The following LRRC37A2 variants were observed in gnomAD, a reference collection of about 807,000 sequenced individuals.
The protein encoded by LRRC37A2 is leucine rich repeat containing 37 member A2, also known as leucine-rich repeat-containing protein 37A2.
LRRC37A2 carries 9 observed loss-of-function variants against 68.8 expected under a neutral mutation model. The ratio of observed to expected loss-of-function variants is 0.13; its 90% CI spans 0.08 to 0.23. LRRC37A2 has a LOEUF of 0.23. Ranked by LOEUF, LRRC37A2 falls within the 10% of genes least tolerant of loss-of-function variation. The probability of loss-of-function intolerance (pLI) is 1.00; values close to 1 mark genes in which losing one functional copy is unlikely to be tolerated. For missense variants in LRRC37A2, 168 were observed against 950.4 expected (o/e 0.18, Z 10.82); for synonymous variants, 63 against 367.6 (o/e 0.17, Z 9.48).
chr17:46,900,202 T>TACACACAC, the LRRC37A2 span, among the ~76,000 whole-genome samples: 7 of 101,166 alleles, frequency 6.9e-5, no homozygotes, highest in East Asian at 2.8e-4. Flanking sequence ...TATATATATA[T>TACACACAC]ACACACACAC....
the LRRC37A2 span, among the ~76,000 whole-genome samples, chr17:47,011,089 C>T: frequency 0.46 from 69,884 of 151,926 alleles, 16,504 homozygotes; most frequent in Non-Finnish European, 0.52. Context: ...GAAACAAGCC[C>T]ACAAGGGTAG....
the LRRC37A2 span, among the ~76,000 whole-genome samples, chr17:46,830,093 C>T: frequency 2.0e-5 from 3 of 152,214 alleles, no homozygotes; most frequent in South Asian, 6.2e-4. Context: ...CTGTTGGTGA[C>T]GAGATGTTCC....
At chr17:46,718,007 T>C in the LRRC37A2 span, among the ~76,000 whole-genome samples, 1 of 152,182 alleles carries the variant, frequency 6.6e-6, no homozygotes, top group African/African-American at 2.4e-5. Context: ...GGTGGTAGCC[T>C]GCTCATCATC....
the LRRC37A2 span, among the ~76,000 whole-genome samples, chr17:46,846,287 G>T: frequency 6.6e-6 from 1 of 152,154 alleles, no homozygotes; most frequent in Non-Finnish European, 1.5e-5. Flanking sequence ...ACCTTCCACA[G>T]TCCAATGTTT....
At chr17:46,813,919 C>G in the LRRC37A2 span, among the ~76,000 whole-genome samples, 1 of 152,228 alleles carries the variant, frequency 6.6e-6, no homozygotes, top group Non-Finnish European at 1.5e-5. Context: ...CTCAGTTTCT[C>G]CACCTTTGTC....
At chr17:46,984,403 G>A in the LRRC37A2 span, among the ~76,000 whole-genome samples, 1 of 152,144 alleles carries the variant, frequency 6.6e-6, no homozygotes, top group East Asian at 1.9e-4. Context: ...GCCTAAGGGT[G>A]AGTCTGTCAA....
At chr17:46,746,578 A>G in the LRRC37A2 span, among the ~76,000 whole-genome samples, 30 of 152,028 alleles carry the variant, frequency 2.0e-4, no homozygotes, top group Non-Finnish European at 4.1e-4. Context: ...AGACTTATCT[A>G]TGGACTGAGT....
At chr17:47,031,544 C>T in the LRRC37A2 span, among the ~76,000 whole-genome samples, 56 of 144,862 alleles carry the variant, frequency 3.9e-4, no homozygotes, top group Non-Finnish European at 7.4e-4. Flanking sequence ...TTCTCTTAGT[C>T]ACTTCATTGG....
At chr17:46,940,926 T>TA in the LRRC37A2 span, 2 of 1,307,816 alleles carry the variant, frequency 1.5e-6, no homozygotes, top group Non-Finnish European at 2.0e-6. Flanking sequence ...TGGTGAAAAA[T>TA]AGACCTTGGC....
the LRRC37A2 span, chr17:46,851,819 G>A: frequency 1.8e-6 from 1 of 568,846 alleles, no homozygotes. The surrounding 1 kb of genome is among the most constrained non-coding windows in gnomAD (Gnocchi z 4.3). Flanking sequence ...TGGCCCCGCC[G>A]AGGTCTCGAA....
the LRRC37A2 span, among the ~76,000 whole-genome samples, chr17:46,709,691 C>T: frequency 1.3e-5 from 2 of 151,994 alleles, no homozygotes; most frequent in Admixed American, 1.3e-4. Context: ...GATGGGGTTT[C>T]ACCACGTTGG....
the LRRC37A2 span, among the ~76,000 whole-genome samples, chr17:46,684,449 C>A: frequency 6.6e-4 from 101 of 152,112 alleles, no homozygotes; most frequent in Middle Eastern, 6.8e-3. Flanking sequence ...TCTTTATAGT[C>A]GAATGATTGT....
the LRRC37A2 span, among the ~76,000 whole-genome samples, chr17:47,004,001 G>A: frequency 1.3e-5 from 2 of 152,288 alleles, no homozygotes; most frequent in Non-Finnish European, 2.9e-5. Flanking sequence ...ATAGTTTGCT[G>A]AGAATGATGG....
the LRRC37A2 span, chr17:46,876,552 G>A: frequency 1.2e-6 from 2 of 1,613,676 alleles, no homozygotes; most frequent in Non-Finnish European, 8.5e-7. Context: ...ACAGCAGGTA[G>A]GGTGTGCTCC....
chr17:46,814,562 G>A, the LRRC37A2 span, among the ~76,000 whole-genome samples: 3 of 152,188 alleles, frequency 2.0e-5, no homozygotes, highest in African/African-American at 4.8e-5. Context: ...CTGGCCATCC[G>A]ATCTGGTATC....
the LRRC37A2 span, among the ~76,000 whole-genome samples, chr17:46,986,796 G>C: frequency 1.3e-5 from 2 of 152,154 alleles, no homozygotes; most frequent in Admixed American, 1.3e-4. Context: ...CAGTGATCCT[G>C]GCCACTTTCA....
the LRRC37A2 span, chr17:46,694,333 G>A: frequency 1.7e-6 from 1 of 575,548 alleles, no homozygotes; most frequent in South Asian, 2.0e-5. Flanking sequence ...GTTGCAGTGA[G>A]CTGAGATCGT....
At chr17:46,791,205 G>A in the LRRC37A2 span, among the ~76,000 whole-genome samples, 2 of 151,508 alleles carry the variant, frequency 1.3e-5, no homozygotes, top group Non-Finnish European at 2.9e-5. Flanking sequence ...CCAGGACTTC[G>A]CTTTCCTTAC....
chr17:46,810,792 C>G, the LRRC37A2 span, among the ~76,000 whole-genome samples: 1 of 152,142 alleles, frequency 6.6e-6, no homozygotes, highest in African/African-American at 2.4e-5. Context: ...CTTTGGCCAG[C>G]AGCTTATCCA....
Sources: gnomAD v4.1 joint callset for allele counts (sites outside exome capture counted in the v4.1 genomes callset) on GRCh38, gnomAD v4.1.1 for gene constraint, Gnocchi (gnomAD v3.1) non-coding constraint, MANE v1.5 for transcripts, NCBI Gene and HGNC (gene_info 2026-07-23, HGNC 2026-07-21) for gene names.